The following SENP3 variants were observed in gnomAD, a reference collection of about 807,000 sequenced individuals.
The protein encoded by SENP3 is SUMO specific peptidase 3, also known as sentrin-specific protease 3.
Under a neutral mutation model 66.2 loss-of-function variants are expected in SENP3, and 11 were observed. The ratio of observed to expected loss-of-function variants is 0.17; its 90% CI spans 0.10 to 0.28. The LOEUF (loss-of-function observed/expected upper bound fraction) is 0.28. Among genes scored for constraint, SENP3 ranks in the 10% least tolerant of loss-of-function variants. The pLI, the probability that SENP3 is intolerant of heterozygous loss-of-function variation, is 1.00. For missense variants in SENP3, 548 were observed against 743.7 expected, an observed-to-expected ratio of 0.74 and a Z score of 3.06; for synonymous variants, 292 against 277.6, an observed-to-expected ratio of 1.05 and a Z score of -0.52.
rs769289317 is a variant in SENP3, at chr17:7,564,531, G to C, written c.716-94G>C. Reference sequence around the variant, plus strand: ...TTCTGCTTCAGTGTATCCTTCTTGCGGTCTTATTTGCATGCATGAGTCAAC... The same window carrying C: ...TTCTGCTTCAGTGTATCCTTCTTGCCGTCTTATTTGCATGCATGAGTCAAC... On this transcript the variant is annotated intron_variant, in intron 2 of 10. Coordinates refer to ENST00000321337, the MANE Select transcript of SENP3 (RefSeq NM_015670.6). The C allele has an allele frequency of 2.0e-6, 3 of 1,522,576 alleles. No homozygotes were observed. In the African/African-American group the frequency reaches 4.1e-5, roughly 21 times the overall value. The allele number at this position is 1,522,576 out of a possible 1,614,324, so 94.3% of individuals were successfully genotyped here.
In SENP3 at chr17:7,571,900, T is replaced by A. The variant is rs1224805833; in HGVS notation, c.*417T>A. ...ATATATATATATATATATATATATA[T>A]ATATATATAAAAATATATAAATGCC... On this transcript the variant is annotated 3_prime_UTR_variant, in exon 11 of 11. Transcript: ENST00000321337. The A allele has an allele frequency of 7.1e-3, 106 of 14,926 alleles. 13 individuals carry two copies. Among genetic ancestry groups the A allele is most frequent in the Non-Finnish European group, 0.011 (79 of 6,994 alleles). The allele number at this position is 14,926 out of a possible 1,614,324, so 0.9% of individuals were successfully genotyped here.
rs2071300212 is a variant in SENP3 at position 7,570,030 on chromosome 17, G to A, written c.1342-326G>A. On this transcript the variant is annotated intron_variant, in intron 7 of 10. Coordinates refer to ENST00000321337, the MANE Select transcript of SENP3 (RefSeq NM_015670.6). The surrounding 1 kb of genome is among the most constrained non-coding windows in gnomAD (Gnocchi z 5.4). The stretch of plus-strand genomic sequence containing the variant: ...CCACTGTCATAAGCCAGTAAATGGA[G>A]GAGCTGTATTTGAATTCTGGCAGGC... 6.6e-6 allele frequency among the ~76,000 whole-genome samples: 1 copy of A among 152,154 alleles called. No homozygotes were observed. The highest frequency in any genetic ancestry group is 2.1e-4 in the South Asian group (1 of 4,826).
rs2150922583 is a variant in SENP3, at chr17:7,571,903, ATATAT to A, written c.*421_*425del. 2 of 13,780 alleles carry A rather than the reference ATATAT, an allele frequency of 1.5e-4. No homozygotes were observed. The highest frequency in any genetic ancestry group is 4.2e-4 in the African/African-American group (2 of 4,772). 0.9% of individuals were successfully genotyped at this position (13,780 alleles called of 1,614,324 possible). ...TATATATATATATATATATATATATATATATAAAAATATATAAATGCCACGGTCCT... is the reference window on the plus strand; with the variant it reads ...TATATATATATATATATATATATATAAAAAATATATAAATGCCACGGTCCT... On this transcript the variant is annotated 3_prime_UTR_variant, in exon 11 of 11. Transcript: ENST00000321337.
Position 7,563,810 on chromosome 17 carries a change from GT to G in SENP3, c.715+20del. The G allele has an allele frequency of 3.8e-6, 6 of 1,565,456 alleles. No individual in the cohort carries two copies. The highest frequency in any genetic ancestry group is 1.4e-5 in the African/African-American group (1 of 73,822). ...GACTCGGGTAAGGTGGGAAAGGGGT[GT>G]GGGGTTGCGGGGGAGGGGTTAGGGA... On this transcript the variant is annotated intron_variant, in intron 2 of 10. Transcript: ENST00000321337.
intron 2 of SENP3, 95 bp from the exon 3 acceptor site, chr17:7,564,530 C>T (rs747873124): frequency 2.2e-5 from 33 of 1,515,462 alleles, no homozygotes; most frequent in East Asian, 2.2e-4. Context: ...ATCCTTCTTG[C>T]GGTCTTATTT....
At chr17:7,566,043 AAG>A (rs1470621045) in intron 6 of SENP3, 2 of 294,494 alleles carry the variant, frequency 6.8e-6, no homozygotes, top group Non-Finnish European at 1.2e-5. Context: ...TAAAAAAAAA[AAG>A]AAAAAGAAAA....
rs1201746505 is a variant in SENP3 at position 7,564,863 on chromosome 17, G to A, written c.954G>A (p.Gln318=). The change falls in exon 3 of 11, where the codon CAG becomes CAA. Residue 318 remains glutamine, a splice_region_variant and synonymous_variant. Coordinates refer to ENST00000321337, the MANE Select transcript of SENP3 (RefSeq NM_015670.6). ...PLREEHVTCV[Q]SILDEFLQTY... ...GAGAGGAGCATGTGACCTGCGTACA[G>A]AGTAAGGAGCCCTTAAGCAACTAGC... 2 of 1,607,406 alleles carry A rather than the reference G, an allele frequency of 1.2e-6. No homozygotes were observed. The highest frequency in any genetic ancestry group is 1.7e-6 in the Non-Finnish European group (2 of 1,175,404).
intron 7 of SENP3, among the ~76,000 whole-genome samples, chr17:7,568,412 C>T (rs2071284474): frequency 6.6e-6 from 1 of 152,154 alleles, no homozygotes; most frequent in African/African-American, 2.4e-5. Context: ...CCTGGCCGAC[C>T]TGGCGAAACC....
In SENP3 at chr17:7,562,026, G is replaced by A; in HGVS notation, c.-249G>A. The stretch of plus-strand genomic sequence containing the variant: ...CGGCGGCGGTGGCGCTGGTGGCGGC[G>A]GTGGCGGAGGTGGAGGTGGAGGTGG... On this transcript the variant is annotated 5_prime_UTR_variant, in exon 1 of 11. Transcript: ENST00000321337. This position sits in a 1 kb window ranked among gnomAD's most constrained non-coding sequence, Gnocchi z 5.0. 2.5e-6 allele frequency: 1 copy of A among 400,390 alleles called. No individual in the cohort carries two copies. Among genetic ancestry groups the A allele is most frequent in the Non-Finnish European group, 4.4e-6 (1 of 227,580 alleles). The allele number at this position is 400,390 out of a possible 1,614,324, so 24.8% of individuals were successfully genotyped here. A position where few individuals can be genotyped will look rare whatever the true frequency, so the allele number is the denominator to read the frequency against.
intron 10 of SENP3, 39 bp from the exon 11 acceptor site, chr17:7,571,334 C>G: frequency 7.0e-7 from 1 of 1,436,420 alleles, no homozygotes; most frequent in Non-Finnish European, 9.8e-7. Context: ...CAGGTCCTGA[C>G]ACGGGGGGTT....
At chr17:7,566,785 C>T in intron 6 of SENP3, 142 bp from the exon 7 acceptor site, 2 of 655,462 alleles carry the variant, frequency 3.1e-6, no homozygotes, top group Non-Finnish European at 5.4e-6. Context: ...ACCTGGGCAA[C>T]ATAGTGAGAC....
At chr17:7,568,263 T>C (rs921606802) in intron 7 of SENP3, among the ~76,000 whole-genome samples, 4 of 151,700 alleles carry the variant, frequency 2.6e-5, no homozygotes, top group African/African-American at 7.3e-5. Flanking sequence ...TCACTGAGGA[T>C]CAGTGATTTA....
In SENP3 at chr17:7,570,861, C is replaced by CT; in HGVS notation, c.1564-21dup. 9 of 1,611,754 alleles carry CT rather than the reference C, an allele frequency of 5.6e-6. No individual in the cohort carries two copies. The highest frequency in any genetic ancestry group is 5.9e-6 in the Non-Finnish European group (7 of 1,178,820). ...CCCTGGGAGTCTCCATGTGAAGGGC[C>CT]TGCTTTCTTTCTCTTCTCTAGAATG... On this transcript the variant is annotated intron_variant, in intron 9 of 10. Transcript: ENST00000321337. The surrounding 1 kb of genome is among the most constrained non-coding windows in gnomAD (Gnocchi z 5.4).
At position 7,571,590 on chromosome 17, in the gene SENP3, C is replaced by T. The variant is rs1282636187; in HGVS notation, c.*107C>T. 9 of 702,826 alleles carry T rather than the reference C, an allele frequency of 1.3e-5. No homozygotes were observed. The highest frequency in any genetic ancestry group is 2.0e-5 in the Non-Finnish European group (8 of 409,744). The allele number at this position is 702,826 out of a possible 1,614,324, so 43.5% of individuals were successfully genotyped here. On this transcript the variant is annotated 3_prime_UTR_variant, in exon 11 of 11. Coordinates refer to ENST00000321337, the MANE Select transcript of SENP3 (RefSeq NM_015670.6). Reference sequence around the variant, plus strand: ...CTCTTGCCTCTTCCCACTCACTTCCCTTTGGTTTTTCATATTTAAATGTTT... The same window carrying T: ...CTCTTGCCTCTTCCCACTCACTTCCTTTTGGTTTTTCATATTTAAATGTTT...
intron 4 of SENP3, 50 bp from the exon 5 acceptor site, chr17:7,565,390 G>T (rs1428261050): frequency 6.2e-7 from 1 of 1,601,856 alleles, no homozygotes; most frequent in Admixed American, 1.7e-5. Context: ...GTATTTCTGT[G>T]TGCCCCAGCT....
chr17:7,570,635 A>G lies in SENP3; in HGVS notation c.1480-46A>G. The G allele has an allele frequency of 6.3e-7, 1 of 1,594,348 alleles. No individual in the cohort carries two copies. Among genetic ancestry groups the G allele is most frequent in the Non-Finnish European group, 8.6e-7 (1 of 1,169,178 alleles). ...GCACTGTACCCACCATACTGTGTTC[A>G]ATTGAGAAACTTAGGGCATCACTTT... On this transcript the variant is annotated intron_variant, in intron 8 of 10. Coordinates refer to ENST00000321337, the MANE Select transcript of SENP3 (RefSeq NM_015670.6). The surrounding 1 kb of genome is among the most constrained non-coding windows in gnomAD (Gnocchi z 5.4).
chr17:7,565,267 G>C, intron 4 of SENP3, 173 bp from the exon 5 acceptor site: 1 of 842,842 alleles, frequency 1.2e-6, no homozygotes, highest in Non-Finnish European at 1.8e-6. Context: ...TGTTCTACCT[G>C]AGTAGTCATG....
In SENP3 at chr17:7,565,049, A is replaced by G; in HGVS notation, c.1046A>G (p.Gln349Arg). 1 of 1,613,368 alleles carries G rather than the reference A, an allele frequency of 6.2e-7. No homozygotes were observed. The highest frequency in any genetic ancestry group is 8.5e-7 in the Non-Finnish European group (1 of 1,179,318). Reference protein sequence around the residue: ...VVEKLEDIFQQEFSTPSRKGL... With the variant: ...VVEKLEDIFQREFSTPSRKGL... Reference sequence around the variant, plus strand: ...GAGAAGCTGGAGGACATTTTCCAGCAGGAGTTTTCCACCCCTTCCAGGTGA... The same window carrying G: ...GAGAAGCTGGAGGACATTTTCCAGCGGGAGTTTTCCACCCCTTCCAGGTGA... The change falls in exon 4 of 11, where the codon CAG (glutamine) becomes CGG (arginine). Residue 349 changes from glutamine (Q) to arginine (R), a missense_variant. Gln to Arg is a conservative substitution (Grantham distance 43, BLOSUM62 1). This residue lies in a region of SENP3 where 72 missense variants were observed against 137.9 expected (regional missense o/e 0.52). Transcript: ENST00000321337.
chr17:7,568,904 A>G (rs913922636), intron 7 of SENP3, among the ~76,000 whole-genome samples: 1 of 152,164 alleles, frequency 6.6e-6, no homozygotes, highest in African/African-American at 2.4e-5. Context: ...GCCTTGTGAG[A>G]CTGAGCCCTA....
Sources: allele counts gnomAD v4.1 joint callset (sites outside exome capture counted in the v4.1 genomes callset), GRCh38; gene constraint gnomAD v4.1.1; regional missense constraint gnomAD v4.1.1; non-coding constraint Gnocchi (gnomAD v3.1); transcripts MANE v1.5; gene names NCBI Gene and HGNC (gene_info 2026-07-23, HGNC 2026-07-21).